Variants in SKI observed in about 807,000 individuals in gnomAD.
SKI encodes ski oncogene.
SKI carries 23 observed loss-of-function variants against 59.3 expected under a neutral mutation model. The ratio of observed to expected loss-of-function variants is 0.39; its 90% CI spans 0.28 to 0.55. The LOEUF (loss-of-function observed/expected upper bound fraction) is 0.55, where lower values mean the gene tolerates loss of function less well. Among genes scored for constraint, SKI ranks in the 20% least tolerant of loss-of-function variants. The pLI is 0.67. For missense variants in SKI, 1,017 were observed against 1,038.9 expected, an observed-to-expected ratio of 0.98 and a Z score of 0.29; for synonymous variants, 673 against 488.6, an observed-to-expected ratio of 1.38 and a Z score of -4.98.
At chr1:2,278,082 G>A (rs1314139609) in intron 1 of SKI, among the ~76,000 whole-genome samples, 1 of 152,240 alleles carries the variant, frequency 6.6e-6, no homozygotes, top group Non-Finnish European at 1.5e-5. Flanking sequence ...CCTCGGGTGA[G>A]CAAGTCTGGA....
Position 2,307,200 on chromosome 1 carries a change from A to ACCCGGGGAAGCCATCACAGCTCATCTG in SKI, c.*440_*466dup, listed in dbSNP as rs1640615546. 8.7e-6 allele frequency: 1 copy of ACCCGGGGAAGCCATCACAGCTCATCTG among 115,456 alleles called. No homozygotes were observed. The highest frequency in any genetic ancestry group is 3.3e-5 in the African/African-American group (1 of 30,194). The allele number at this position is 115,456 out of a possible 1,614,324, so 7.2% of individuals were successfully genotyped here. ...GGGTGGCGGCCGCCCCACCCTCCCC[A>ACCCGGGGAAGCCATCACAGCTCATCTG]CCCGGGGAAGCCATCACAGCTCATC... On this transcript the variant is annotated 3_prime_UTR_variant, in exon 7 of 7. Transcript: ENST00000378536.
Position 2,283,423 on chromosome 1 carries a change from T to C in SKI, c.970-19555T>C, listed in dbSNP as rs1251078568. On this transcript the variant is annotated intron_variant, in intron 1 of 6. Coordinates refer to ENST00000378536, the MANE Select transcript of SKI (RefSeq NM_003036.4). ...GGGTGAGGAGGTGGCAAGCATCGCC[T>C]TTTGAGGACAGAGTCTTGGAGAGGT... Among the ~76,000 whole-genome samples, 6 of 152,144 alleles carry C rather than the reference T, an allele frequency of 3.9e-5. No individual in the cohort carries two copies. In the East Asian group the frequency reaches 9.7e-4, roughly 24 times the overall value.
intron 1 of SKI, among the ~76,000 whole-genome samples, chr1:2,275,835 G>A (rs1639731631): frequency 6.6e-6 from 1 of 152,112 alleles, no homozygotes; most frequent in Non-Finnish European, 1.5e-5. Context: ...ATGTGCCTTG[G>A]ACCTGGCCCC....
At chr1:2,278,727 C>T (rs1465863523) in intron 1 of SKI, among the ~76,000 whole-genome samples, 1 of 151,800 alleles carries the variant, frequency 6.6e-6, no homozygotes, top group African/African-American at 2.4e-5. Context: ...TCTGGAGTGG[C>T]CCCTTCTGCT....
chr1:2,242,163 T>C (rs545939488), intron 1 of SKI, among the ~76,000 whole-genome samples: 1 of 152,238 alleles, frequency 6.6e-6, no homozygotes, highest in African/African-American at 2.4e-5. Flanking sequence ...GATGCGTCCC[T>C]TGGTGTGGCC....
At chr1:2,285,413 G>T (rs1365004544) in intron 1 of SKI, among the ~76,000 whole-genome samples, 1 of 151,892 alleles carries the variant, frequency 6.6e-6, no homozygotes, top group Non-Finnish European at 1.5e-5. Flanking sequence ...TACTAGGGAG[G>T]CTGAGGCAGG....
intron 1 of SKI, among the ~76,000 whole-genome samples, chr1:2,262,191 T>C (rs1341525874): frequency 7.8e-6 from 1 of 127,566 alleles, no homozygotes; most frequent in Non-Finnish European, 1.6e-5. Flanking sequence ...CTTGATCTCC[T>C]AGTCTGGAAG....
intron 1 of SKI, among the ~76,000 whole-genome samples, chr1:2,301,010 CAAG>C (rs1640411435): frequency 1.3e-5 from 2 of 152,364 alleles, no homozygotes; most frequent in African/African-American, 4.8e-5. Flanking sequence ...TCTTTCCCCT[CAAG>C]GAGTCTCTGA....
At position 2,229,468 on chromosome 1, in the gene SKI, C is replaced by T. The variant is rs1057523205; in HGVS notation, c.702C>T (p.Pro234=). ...CFGKCKGLLV[P]ELYSSPSAAC... Reference sequence around the variant, plus strand: ...GCAAGTGTAAGGGGCTGCTGGTGCCCGAGCTCTACAGCAGCCCGAGCGCCG... The same window carrying T: ...GCAAGTGTAAGGGGCTGCTGGTGCCTGAGCTCTACAGCAGCCCGAGCGCCG... The change falls in exon 1 of 7, where the codon CCC becomes CCT. Residue 234 remains proline, a synonymous_variant. Coordinates refer to ENST00000378536, the MANE Select transcript of SKI (RefSeq NM_003036.4). This position sits in a 1 kb window ranked among gnomAD's most constrained non-coding sequence, Gnocchi z 6.3. 4 of 1,611,942 alleles carry T rather than the reference C, an allele frequency of 2.5e-6. No homozygotes were observed. Among genetic ancestry groups the T allele is most frequent in the South Asian group, 1.1e-5 (1 of 91,060 alleles).
intron 1 of SKI, among the ~76,000 whole-genome samples, chr1:2,234,524 C>T (rs759062580): frequency 3.0e-4 from 46 of 152,168 alleles, no homozygotes; most frequent in Admixed American, 2.4e-3. Flanking sequence ...AAGTGTGAGC[C>T]GAACCCCGCC....
In SKI at chr1:2,269,778, G is replaced by A; in HGVS notation, c.970-33200G>A. 6.6e-6 allele frequency among the ~76,000 whole-genome samples: 1 copy of A among 152,158 alleles called. No individual in the cohort carries two copies. The highest frequency in any genetic ancestry group is 1.9e-4 in the East Asian group (1 of 5,182). ...CTCTGGACCAGAGCAGTGTGTGGCT[G>A]GTGGTACCTGTGGCTGGCGTGGGTC... On this transcript the variant is annotated intron_variant, in intron 1 of 6. Transcript: ENST00000378536. The surrounding 1 kb of genome is among the most constrained non-coding windows in gnomAD (Gnocchi z 4.7).
intron 1 of SKI, among the ~76,000 whole-genome samples, chr1:2,289,289 G>A (rs1441550156): frequency 6.6e-6 from 1 of 152,184 alleles, no homozygotes; most frequent in Non-Finnish European, 1.5e-5. Flanking sequence ...TGTCTCAGTG[G>A]CCATGGCTGT....
intron 1 of SKI, among the ~76,000 whole-genome samples, chr1:2,236,944 C>T (rs1427893131): frequency 2.6e-5 from 4 of 152,196 alleles, no homozygotes; most frequent in Admixed American, 6.5e-5. Context: ...GCAGGTCCCA[C>T]GGTGCTGCTT....
chr1:2,306,796 C>G lies in SKI; in HGVS notation c.*31C>G. On this transcript the variant is annotated 3_prime_UTR_variant, in exon 7 of 7. Coordinates refer to ENST00000378536, the MANE Select transcript of SKI (RefSeq NM_003036.4). ...GTGCCTGCCGCCGCAGCGCCGCCGACAACGCGGGTGCAGGGGGGCGCGGCT... is the reference window on the plus strand; with the variant it reads ...GTGCCTGCCGCCGCAGCGCCGCCGAGAACGCGGGTGCAGGGGGGCGCGGCT... 1 of 1,461,948 alleles carries G rather than the reference C, an allele frequency of 6.8e-7. No homozygotes were observed. The allele number at this position is 1,461,948 out of a possible 1,614,324, so 90.6% of individuals were successfully genotyped here.
At chr1:2,244,932 G>A (rs1326305846) in intron 1 of SKI, among the ~76,000 whole-genome samples, 1 of 152,172 alleles carries the variant, frequency 6.6e-6, no homozygotes, top group Non-Finnish European at 1.5e-5. Flanking sequence ...AAACAGAAAA[G>A]TAGTTACAGA....
chr1:2,252,657 C>T (rs1011985688), intron 1 of SKI, among the ~76,000 whole-genome samples: 10 of 152,308 alleles, frequency 6.6e-5, no homozygotes, highest in East Asian at 3.9e-4. Flanking sequence ...CTGGAGTACC[C>T]GGCCAGCGTC....
intron 1 of SKI, among the ~76,000 whole-genome samples, chr1:2,236,183 G>T (rs189512565): frequency 6.6e-6 from 1 of 152,164 alleles, no homozygotes; most frequent in Non-Finnish European, 1.5e-5. Context: ...CCTCTGCTGG[G>T]GTGCTTGTCT....
At chr1:2,305,084 C>A (rs1420613838) in intron 5 of SKI, among the ~76,000 whole-genome samples, 1 of 152,208 alleles carries the variant, frequency 6.6e-6, no homozygotes, top group African/African-American at 2.4e-5. Context: ...TTCCAGAAGG[C>A]GGCTCCCGCC....
intron 1 of SKI, among the ~76,000 whole-genome samples, chr1:2,244,794 T>C (rs962788292): frequency 1.3e-5 from 2 of 152,210 alleles, no homozygotes; most frequent in Non-Finnish European, 2.9e-5. Flanking sequence ...CATTCAGCAG[T>C]GTTGAACACA....
Sources: gnomAD v4.1 joint callset for allele counts (sites outside exome capture counted in the v4.1 genomes callset) on GRCh38, gnomAD v4.1.1 for gene constraint, Gnocchi (gnomAD v3.1) non-coding constraint, MANE v1.5 for transcripts, NCBI Gene and HGNC (gene_info 2026-07-23, HGNC 2026-07-21) for gene names.